GABRG3: variants seen among roughly 807,000 people sequenced by gnomAD.
GABRG3 encodes the protein gamma-aminobutyric acid receptor subunit gamma-3.
In GABRG3, 25 loss-of-function variants were observed where a neutral mutation model predicts 48.8. That is an observed-to-expected ratio of 0.51 (90% CI 0.37 to 0.72). GABRG3 has a LOEUF of 0.72. Among genes scored for constraint, GABRG3 ranks in the 30% least tolerant of loss-of-function variants. The pLI, the probability that GABRG3 is intolerant of heterozygous loss-of-function variation, is 0.00. For missense variants in GABRG3, 394 were observed against 577.9 expected (o/e 0.68, Z 3.26); for synonymous variants, 227 against 217.6 (o/e 1.04, Z -0.38).
chr15:27,205,364 T>C (rs1283381071), intron 3 of GABRG3, among the ~76,000 whole-genome samples: 1 of 152,182 alleles, frequency 6.6e-6, no homozygotes, highest in Non-Finnish European at 1.5e-5. Context: ...CATTTATTGA[T>C]TTGCATATGT....
intron 3 of GABRG3, among the ~76,000 whole-genome samples, chr15:27,097,393 C>T (rs764994751): frequency 1.3e-5 from 2 of 152,150 alleles, no homozygotes; most frequent in African/African-American, 2.4e-5. Flanking sequence ...CCTGTAGACA[C>T]AGCTCACCTC....
At chr15:27,369,837 A>G (rs1895346179) in intron 5 of GABRG3, among the ~76,000 whole-genome samples, 1 of 143,572 alleles carries the variant, frequency 7.0e-6, no homozygotes, top group Non-Finnish European at 1.5e-5. Context: ...AAAAAAAATT[A>G]TGGTATCATA....
chr15:26,971,683 T>A, intron 1 of GABRG3, 95 bp downstream of exon 1: 1 of 1,349,058 alleles, frequency 7.4e-7, no homozygotes, highest in Non-Finnish European at 9.6e-7. Flanking sequence ...GCGCCAGCCG[T>A]CGGCTGGGCT....
At chr15:26,997,220 G>T (rs1895359109) in intron 2 of GABRG3, among the ~76,000 whole-genome samples, 1 of 151,862 alleles carries the variant, frequency 6.6e-6, no homozygotes, top group African/African-American at 2.4e-5. Context: ...ATAAGATTTT[G>T]TTATCATATA....
intron 3 of GABRG3, among the ~76,000 whole-genome samples, chr15:27,313,457 ATAGACT>A (rs1339016839): frequency 6.6e-6 from 1 of 150,600 alleles, no homozygotes; most frequent in Non-Finnish European, 1.5e-5. Context: ...CAAAGGAATA[ATAGACT>A]TAAACACTAT....
At chr15:27,088,357 A>G (rs1193944341) in intron 3 of GABRG3, among the ~76,000 whole-genome samples, 2 of 151,806 alleles carry the variant, frequency 1.3e-5, no homozygotes, top group African/African-American at 4.8e-5. Flanking sequence ...AAGCCCCAGG[A>G]GAAGGAAAGG....
At chr15:26,983,362 C>G (rs1052562543) in intron 2 of GABRG3, among the ~76,000 whole-genome samples, 1 of 152,094 alleles carries the variant, frequency 6.6e-6, no homozygotes, top group Non-Finnish European at 1.5e-5. Context: ...TCCACACTTG[C>G]GATCTTCTGA....
At chr15:27,329,344 A>T (rs974779406) in intron 5 of GABRG3, among the ~76,000 whole-genome samples, 6 of 152,078 alleles carry the variant, frequency 3.9e-5, no homozygotes, top group African/African-American at 1.4e-4. Context: ...GCTGACTGCA[A>T]CCTCTGCCTC....
At chr15:27,402,688 C>T (rs1276167951) in intron 5 of GABRG3, among the ~76,000 whole-genome samples, 10 of 152,230 alleles carry the variant, frequency 6.6e-5, no homozygotes, top group Admixed American at 5.9e-4. Flanking sequence ...TGCAAATCCT[C>T]TCCAAAATAT....
At chr15:27,351,274 T>C (rs1413587887) in intron 5 of GABRG3, among the ~76,000 whole-genome samples, 1 of 150,010 alleles carries the variant, frequency 6.7e-6, no homozygotes, top group Admixed American at 6.6e-5. Flanking sequence ...TGTGTGTTTG[T>C]GTGTATATGT....
At chr15:27,131,944 A>G (rs1333957255) in intron 3 of GABRG3, among the ~76,000 whole-genome samples, 2 of 152,044 alleles carry the variant, frequency 1.3e-5, no homozygotes, top group East Asian at 1.9e-4. Context: ...TGAGAAATGT[A>G]TATTCAGGTC....
chr15:27,216,101 C>T (rs1163126976), intron 3 of GABRG3, among the ~76,000 whole-genome samples: 2 of 152,142 alleles, frequency 1.3e-5, no homozygotes, highest in Non-Finnish European at 2.9e-5. Context: ...AGCATTTGCT[C>T]AGTTGCAGCA....
At chr15:27,307,180 TAAACATGTTTATATTATAATAC>T (rs922114833) in intron 3 of GABRG3, among the ~76,000 whole-genome samples, 9 of 138,082 alleles carry the variant, frequency 6.5e-5, no homozygotes, top group Non-Finnish European at 1.1e-4. Flanking sequence ...ACATAATATA[TAAACATGTTTATATTATAATAC>T]AAACATGTTT....
intron 5 of GABRG3, among the ~76,000 whole-genome samples, chr15:27,433,314 G>T (rs1392010332): frequency 2.0e-5 from 3 of 152,164 alleles, no homozygotes; most frequent in Non-Finnish European, 2.9e-5. Context: ...CAGTTTGGGT[G>T]GCCAGGAGTC....
At chr15:27,027,988 A>G (rs1162183229) in intron 3 of GABRG3, among the ~76,000 whole-genome samples, 1 of 152,228 alleles carries the variant, frequency 6.6e-6, no homozygotes, top group Non-Finnish European at 1.5e-5. Context: ...GCCTTCCTGG[A>G]TATATGGTTA....
intron 1 of GABRG3, among the ~76,000 whole-genome samples, chr15:26,972,284 C>T (rs987534685): frequency 1.3e-5 from 2 of 152,102 alleles, no homozygotes; most frequent in Non-Finnish European, 2.9e-5. Flanking sequence ...CCATAAATTC[C>T]GCAACCTTCC....
At chr15:27,469,007 A>G (rs2150839359) in intron 5 of GABRG3, among the ~76,000 whole-genome samples, 1 of 152,328 alleles carries the variant, frequency 6.6e-6, no homozygotes, top group African/African-American at 2.4e-5. Flanking sequence ...GTGTAGGCGG[A>G]AGATATAAAT....
At chr15:27,235,958 C>T (rs932793209) in intron 3 of GABRG3, among the ~76,000 whole-genome samples, 2 of 152,158 alleles carry the variant, frequency 1.3e-5, no homozygotes, top group African/African-American at 4.8e-5. Context: ...CACACCCTTA[C>T]TAATGGTTTT....
At position 27,541,659 on chromosome 15, in the gene GABRG3, GT is replaced by G. The variant is rs1455281645; in HGVS notation, c.*8779del. ...CCCAGCAGGGACCCGCCCTCACCAA[GT>G]GGCCTCCAGTAGCCCCTGTGTCCCT... On this transcript the variant is annotated 3_prime_UTR_variant, in exon 10 of 10. Transcript: ENST00000615808. 1.3e-5 allele frequency: 2 copies of G among 152,288 alleles called. No individual in the cohort carries two copies. The highest frequency in any genetic ancestry group is 2.9e-5 in the Non-Finnish European group (2 of 68,122). 9.4% of individuals were successfully genotyped at this position (152,288 alleles called of 1,614,324 possible).
Sources: allele counts gnomAD v4.1 joint callset (sites outside exome capture counted in the v4.1 genomes callset), GRCh38; gene constraint gnomAD v4.1.1; transcripts MANE v1.5; gene names NCBI Gene and HGNC (gene_info 2026-07-23, HGNC 2026-07-21).